The following EML1 variants were observed in gnomAD, a reference collection of about 807,000 sequenced individuals.
EML1 encodes EMAP like 1, also known as echinoderm microtubule-associated protein-like 1.
A neutral mutation model predicts 110.4 loss-of-function variants in EML1; 27 were observed. The ratio of observed to expected loss-of-function variants is 0.24; its 90% CI spans 0.18 to 0.34. EML1 has a LOEUF of 0.34. Ranked by LOEUF, EML1 falls within the 10% of genes least tolerant of loss-of-function variation. The pLI, the probability that EML1 is intolerant of heterozygous loss-of-function variation, is 1.00. For missense variants in EML1, 741 were observed against 1,030.9 expected, an observed-to-expected ratio of 0.72 and a Z score of 3.85; for synonymous variants, 344 against 385.8, an observed-to-expected ratio of 0.89 and a Z score of 1.27.
At chr14:99,848,966 A>C (rs1367239644) in intron 1 of EML1, among the ~76,000 whole-genome samples, 2 of 152,122 alleles carry the variant, frequency 1.3e-5, no homozygotes, top group East Asian at 3.9e-4. Flanking sequence ...CTGTCAAAAA[A>C]AAAAAAAATA....
At chr14:99,852,231 T>G (rs1013065614) in intron 2 of EML1, among the ~76,000 whole-genome samples, 2 of 152,222 alleles carry the variant, frequency 1.3e-5, no homozygotes. Context: ...TCCTCGTGAC[T>G]AACTGTAGAA....
intron 1 of EML1, among the ~76,000 whole-genome samples, chr14:99,759,749 T>C (rs188090009): frequency 1.5e-3 from 227 of 152,282 alleles, no homozygotes; most frequent in African/African-American, 5.2e-3. Flanking sequence ...GAGCTGAGCC[T>C]TAACCACCCT....
intron 3 of EML1, among the ~76,000 whole-genome samples, chr14:99,877,398 A>G (rs781101959): frequency 5.3e-5 from 8 of 152,136 alleles, no homozygotes; most frequent in Admixed American, 2.6e-4. Context: ...CCTCCACTCC[A>G]TACCTGGGCT....
intron 1 of EML1, among the ~76,000 whole-genome samples, chr14:99,813,926 C>T (rs900155702): frequency 2.0e-5 from 3 of 152,166 alleles, no homozygotes; most frequent in African/African-American, 7.2e-5. Context: ...GTGCCTGGGT[C>T]AGCTGCCCGG....
At position 99,898,280 on chromosome 14, in the gene EML1, C is replaced by T. The variant is rs201676476; in HGVS notation, c.875C>T (p.Ala292Val). The T allele has an allele frequency of 6.5e-5, 105 of 1,610,884 alleles. No homozygotes were observed. Among genetic ancestry groups the T allele is most frequent in the Non-Finnish European group, 8.2e-5 (97 of 1,178,190 alleles). The part of the protein sequence containing the change: ...DRITIATGQV[A>V]GTSKDGKQLP... ...ATCACGATAGCAACAGGACAAGTTG[C>T]GGGCACATCGAAGGATGGAAAAGTG... The change falls in exon 8 of 22, where the codon GCG (alanine) becomes GTG (valine). Residue 292 changes from alanine to valine, a missense_variant. This residue lies in a region of EML1 where 388 missense variants were observed against 605.6 expected (regional missense o/e 0.64). Transcript: ENST00000262233.
At chr14:99,877,436 C>T (rs925642478) in intron 3 of EML1, among the ~76,000 whole-genome samples, 7 of 152,156 alleles carry the variant, frequency 4.6e-5, no homozygotes, top group African/African-American at 7.2e-5. Context: ...CCTACGAATC[C>T]CCTGTGTATA....
chr14:99,911,685 A>G, intron 13 of EML1, 109 bp downstream of exon 13: 1 of 1,200,368 alleles, frequency 8.3e-7, no homozygotes, highest in South Asian at 1.5e-5. Context: ...TTTAGGTGAA[A>G]TCACATTATA....
At chr14:99,914,506 G>A (rs901058280) in intron 14 of EML1, 60 bp from the exon 15 acceptor site, 14 of 1,549,514 alleles carry the variant, frequency 9.0e-6, no homozygotes, top group East Asian at 4.5e-5. Context: ...CATCCCTTAC[G>A]GCTCCTGAGT....
chr14:99,922,439 G>T (rs747403980), intron 17 of EML1, among the ~76,000 whole-genome samples: 1 of 152,000 alleles, frequency 6.6e-6, no homozygotes, highest in Non-Finnish European at 1.5e-5. Context: ...ATTGTTTCTG[G>T]TTTTTTATTA....
chr14:99,868,054 T>C (rs1375622253), intron 3 of EML1, among the ~76,000 whole-genome samples: 3 of 152,232 alleles, frequency 2.0e-5, no homozygotes, highest in Non-Finnish European at 4.4e-5. Flanking sequence ...TCAAATGCTT[T>C]TTCTGCATCA....
intron 17 of EML1, among the ~76,000 whole-genome samples, chr14:99,922,196 A>ACCTCTGCCTCCCAGGT (rs2060141621): frequency 6.6e-6 from 1 of 151,946 alleles, no homozygotes. Context: ...CCTCACTGCA[A>ACCTCTGCCTCCCAGGT]CCTCTGCCTC....
rs528260357 is a variant in EML1, at chr14:99,761,553, C to T, written c.28+23693C>T. Among the ~76,000 whole-genome samples the T allele has an allele frequency of 3.3e-5, 5 of 152,146 alleles. No homozygotes were observed. In the South Asian group the frequency reaches 8.3e-4, roughly 25 times the overall value. ...TGCTTACCAAATTTGTGGGTGACAC[C>T]GAGCCTGGGGTGAGCAGATGGTGTG... On this transcript the variant is annotated intron_variant, in intron 1 of 10. Transcript: ENST00000554479.
intron 1 of EML1, among the ~76,000 whole-genome samples, chr14:99,814,624 G>A (rs946989950): frequency 2.6e-5 from 4 of 152,142 alleles, no homozygotes; most frequent in African/African-American, 9.7e-5. Context: ...ATAAAACAAA[G>A]AATAGATTGC....
intron 1 of EML1, among the ~76,000 whole-genome samples, chr14:99,844,993 G>A (rs954311037): frequency 6.6e-6 from 1 of 152,084 alleles, no homozygotes; most frequent in African/African-American, 2.4e-5. Flanking sequence ...TTGGCGTATC[G>A]GTTTTTGTAT....
At chr14:99,876,463 C>T (rs1566911981) in intron 3 of EML1, among the ~76,000 whole-genome samples, 2 of 152,074 alleles carry the variant, frequency 1.3e-5, no homozygotes, top group African/African-American at 4.8e-5. Flanking sequence ...CTTTGCGCAC[C>T]ACTCCTTCTC....
At chr14:99,775,823 G>A (rs2057476083) in intron 1 of EML1, among the ~76,000 whole-genome samples, 1 of 152,192 alleles carries the variant, frequency 6.6e-6, no homozygotes, top group African/African-American at 2.4e-5. Flanking sequence ...TGTAATGGCA[G>A]TATTGGGATA....
chr14:99,796,046 G>A (rs2057764573), intron 1 of EML1, among the ~76,000 whole-genome samples: 6 of 152,218 alleles, frequency 3.9e-5, no homozygotes, highest in Admixed American at 3.9e-4. Context: ...AGTTGGCTGG[G>A]CATGGTGGCT....
chr14:99,874,329 A>G (rs1008281823), intron 3 of EML1, among the ~76,000 whole-genome samples: 2 of 152,256 alleles, frequency 1.3e-5, no homozygotes, highest in African/African-American at 4.8e-5. Flanking sequence ...AAGGGAAAAC[A>G]AAATAAGTGG....
intron 17 of EML1, among the ~76,000 whole-genome samples, chr14:99,931,648 G>A (rs1404313979): frequency 1.3e-5 from 2 of 152,166 alleles, no homozygotes; most frequent in Admixed American, 6.5e-5. Context: ...AGTTTTTGGA[G>A]GAGAGGAGAA....
Sources: gnomAD v4.1 joint callset for allele counts (sites outside exome capture counted in the v4.1 genomes callset) on GRCh38, gnomAD v4.1.1 for gene constraint, gnomAD v4.1.1 regional missense constraint, MANE v1.5 for transcripts, NCBI Gene and HGNC (gene_info 2026-07-23, HGNC 2026-07-21) for gene names.